Variants in ZNF521 observed in about 807,000 individuals in gnomAD.
ZNF521 encodes zinc finger protein 521.
In ZNF521, 14 loss-of-function variants were observed where a neutral mutation model predicts 105.5. The observed-to-expected ratio is 0.13, with a 90% confidence interval of 0.09 to 0.21. ZNF521 has a LOEUF of 0.21. Ranked by LOEUF, ZNF521 falls within the 10% of genes least tolerant of loss-of-function variation. The probability of loss-of-function intolerance (pLI) is 1.00; values close to 1 mark genes in which losing one functional copy is unlikely to be tolerated. For missense variants in ZNF521, 1,233 were observed against 1,629.7 expected (o/e 0.76, Z 4.19); for synonymous variants, 635 against 606.0 (o/e 1.05, Z -0.70).
rs141845790 is a variant in ZNF521, at chr18:25,271,366, C to T, written c.221-43669G>A. Among the ~76,000 whole-genome samples the T allele has an allele frequency of 1.1e-4, 17 of 152,254 alleles. No homozygotes were observed. In the East Asian group the frequency reaches 3.3e-3, roughly 29 times the overall value. On this transcript the variant is annotated intron_variant, in intron 3 of 7. Coordinates refer to ENST00000361524, the MANE Select transcript of ZNF521 (RefSeq NM_015461.3). ...CCCAAAGTAATTTACAGATTCAATG[C>T]TATCCTCATCAAGGTACCATTGACT...
chr18:25,207,843 T>C (rs1375723110), intron 4 of ZNF521, among the ~76,000 whole-genome samples: 1 of 152,198 alleles, frequency 6.6e-6, no homozygotes, highest in Non-Finnish European at 1.5e-5. Context: ...TCATTACTGA[T>C]AATATATTGC....
chr18:25,274,781 A>G (rs932294271), intron 3 of ZNF521, among the ~76,000 whole-genome samples: 4 of 152,198 alleles, frequency 2.6e-5, no homozygotes, highest in Admixed American at 2.0e-4. Flanking sequence ...TGTTGTGTCT[A>G]GTGGATGGGA....
chr18:25,217,422 A>G (rs1317234446), intron 4 of ZNF521, among the ~76,000 whole-genome samples: 3 of 152,188 alleles, frequency 2.0e-5, no homozygotes. Flanking sequence ...GGAATGAGGA[A>G]TGATTCACAG....
chr18:25,086,641 T>C (rs757001408), intron 7 of ZNF521, among the ~76,000 whole-genome samples: 12 of 152,162 alleles, frequency 7.9e-5, no homozygotes, highest in Non-Finnish European at 1.2e-4. Context: ...CCATAAATAC[T>C]GTTCTTATCT....
chr18:25,327,629 A>G (rs760912272), intron 2 of ZNF521: 5 of 524,344 alleles, frequency 9.5e-6, no homozygotes, highest in Non-Finnish European at 1.9e-5. Context: ...GGTTTGCAAA[A>G]ACCAAAGGGC....
intron 5 of ZNF521, among the ~76,000 whole-genome samples, chr18:25,167,322 T>C (rs1158703950): frequency 6.6e-6 from 1 of 152,234 alleles, no homozygotes; most frequent in African/African-American, 2.4e-5. Flanking sequence ...ACACTTGTTT[T>C]ATGTAAGTGC....
Position 25,227,129 on chromosome 18 carries a change from T to A in ZNF521, c.789A>T (p.Lys263Asn). Residue 263 changes from lysine to asparagine, a missense_variant, in exon 4 of 8, where the codon AAA becomes AAT. By Grantham distance (94) the Lys-to-Asn change is moderately conservative (BLOSUM62 0). Coordinates refer to ENST00000361524, the MANE Select transcript of ZNF521 (RefSeq NM_015461.3). The surrounding 1 kb of genome is among the most constrained non-coding windows in gnomAD (Gnocchi z 5.7). ...ATTCGGGGTGGCACTCTGCAATGTGTTTTTGGAGGTCTTCCGGGAAGTCAA... is the reference window on the plus strand; with the variant it reads ...ATTCGGGGTGGCACTCTGCAATGTGATTTTGGAGGTCTTCCGGGAAGTCAA... Reference protein sequence around the residue: ...EGFDFPEDLQKHIAECHPECS... With the variant: ...EGFDFPEDLQNHIAECHPECS... The A allele has an allele frequency of 6.2e-7, 1 of 1,614,006 alleles. No homozygotes were observed. The highest frequency in any genetic ancestry group is 8.5e-7 in the Non-Finnish European group (1 of 1,179,998).
chr18:25,117,026 T>TACAC (rs1408306806), intron 5 of ZNF521, among the ~76,000 whole-genome samples: 8 of 121,996 alleles, frequency 6.6e-5, no homozygotes, highest in South Asian at 2.7e-4. Context: ...CACATATATA[T>TACAC]ATACATACAC....
At chr18:25,240,916 T>C (rs553266996) in intron 3 of ZNF521, among the ~76,000 whole-genome samples, 2 of 144,012 alleles carry the variant, frequency 1.4e-5, no homozygotes, top group South Asian at 4.4e-4. Context: ...TTTTCTGCAC[T>C]ACTTTGTGTC....
intron 4 of ZNF521, among the ~76,000 whole-genome samples, chr18:25,213,220 A>G (rs2036224403): frequency 6.7e-6 from 1 of 148,410 alleles, no homozygotes; most frequent in African/African-American, 2.4e-5. Flanking sequence ...ATTATATTAT[A>G]AAATATATAA....
intron 4 of ZNF521, among the ~76,000 whole-genome samples, chr18:25,215,948 G>A (rs1169027585): frequency 6.6e-6 from 1 of 152,164 alleles, no homozygotes; most frequent in African/African-American, 2.4e-5. Context: ...GCAATTCACT[G>A]TCTTTGAAGA....
In ZNF521 at chr18:25,320,724, T is replaced by A. The variant is rs187108231; in HGVS notation, c.220+1284A>T. Among the ~76,000 whole-genome samples, 797 of 152,332 alleles carry A rather than the reference T, an allele frequency of 5.2e-3. 15 individuals carry two copies. The highest frequency in any genetic ancestry group is 4.2e-3 in the Non-Finnish European group (289 of 68,032). ...ATATTATTTTTTCAAGTTTTCTGTATGTTTGGAATTGTATCAAAATAAAAG... is the reference window on the plus strand; with the variant it reads ...ATATTATTTTTTCAAGTTTTCTGTAAGTTTGGAATTGTATCAAAATAAAAG... On this transcript the variant is annotated intron_variant, in intron 3 of 7. Transcript: ENST00000361524.
At chr18:25,221,672 A>G (rs900276834) in intron 4 of ZNF521, among the ~76,000 whole-genome samples, 1 of 152,200 alleles carries the variant, frequency 6.6e-6, no homozygotes, top group Non-Finnish European at 1.5e-5. Context: ...TCTTTTTGTG[A>G]TAAAATTTAT....
intron 5 of ZNF521, among the ~76,000 whole-genome samples, chr18:25,193,037 A>T (rs1056067644): frequency 1.3e-5 from 2 of 152,124 alleles, no homozygotes; most frequent in Non-Finnish European, 2.9e-5. Context: ...AAGGAATGGA[A>T]TGTGCTTCTC....
chr18:25,102,507 CTA>C (rs71375166), intron 5 of ZNF521, among the ~76,000 whole-genome samples: 4 of 150,308 alleles, frequency 2.7e-5, no homozygotes, highest in Admixed American at 6.6e-5. Flanking sequence ...AAAATTGAGA[CTA>C]TATATATATA....
At chr18:25,187,389 G>C (rs1308713268) in intron 5 of ZNF521, among the ~76,000 whole-genome samples, 2 of 151,358 alleles carry the variant, frequency 1.3e-5, no homozygotes, top group Admixed American at 1.3e-4. Context: ...CACTTAATTT[G>C]ATGAAAATAG....
At chr18:25,201,308 T>C (rs1302480615) in intron 4 of ZNF521, 1 of 152,194 alleles carries the variant, frequency 6.6e-6, no homozygotes, top group Non-Finnish European at 1.5e-5. Context: ...GTCAACAGAA[T>C]TACTTTTTCC....
intron 5 of ZNF521, among the ~76,000 whole-genome samples, chr18:25,124,620 G>A (rs778196591): frequency 2.8e-4 from 42 of 151,706 alleles, no homozygotes; most frequent in Admixed American, 7.2e-4. Context: ...CATTTTTGTC[G>A]TATTGCTGTT....
rs530599587 is a variant in ZNF521 at position 25,099,403 on chromosome 18, T to G, written c.3659-7322A>C. On this transcript the variant is annotated intron_variant, in intron 5 of 7. Transcript: ENST00000361524. The stretch of plus-strand genomic sequence containing the variant: ...GGCTTCTTTATTTCCCAAAATAAGA[T>G]GAAAATACTCTGGCAAATAAAGCAT... Among the ~76,000 whole-genome samples, 3 of 152,280 alleles carry G rather than the reference T, an allele frequency of 2.0e-5. No individual in the cohort carries two copies. In the East Asian group the frequency reaches 5.8e-4, roughly 29 times the overall value.
Sources: gnomAD v4.1 joint callset for allele counts (sites outside exome capture counted in the v4.1 genomes callset) on GRCh38, gnomAD v4.1.1 for gene constraint, Gnocchi (gnomAD v3.1) non-coding constraint, MANE v1.5 for transcripts, NCBI Gene and HGNC (gene_info 2026-07-23, HGNC 2026-07-21) for gene names.